Variants in ADAR observed in about 807,000 individuals in gnomAD.
ADAR encodes the protein adenosine deaminase RNA specific.
A neutral mutation model predicts 113.2 loss-of-function variants in ADAR; 41 were observed. That is an observed-to-expected ratio of 0.36 (90% CI 0.28 to 0.47). The LOEUF (loss-of-function observed/expected upper bound fraction) is 0.47. Ranked by LOEUF, ADAR falls within the 20% of genes least tolerant of loss-of-function variation. The pLI is 1.00. For missense variants in ADAR, 1,242 were observed against 1,540.9 expected (o/e 0.81, Z 3.25); for synonymous variants, 605 against 572.6 (o/e 1.06, Z -0.81).
At position 154,582,238 on chromosome 1, in the gene ADAR, C is replaced by CA. The variant is rs1696451416; in HGVS notation, c.*2567dup. 6.6e-6 allele frequency: 1 copy of CA among 152,214 alleles called. No individual in the cohort carries two copies. The highest frequency in any genetic ancestry group is 1.5e-5 in the Non-Finnish European group (1 of 67,990). The allele number at this position is 152,214 out of a possible 1,614,324, so 9.4% of individuals were successfully genotyped here. A position where few individuals can be genotyped will look rare whatever the true frequency, so the allele number is the denominator to read the frequency against. The stretch of plus-strand genomic sequence containing the variant: ...GCTCTTGGAGTCACAACCAAGACTC[C>CA]AAAAAACCAACGAAGTCCCTTCAAT... On this transcript the variant is annotated 3_prime_UTR_variant, in exon 15 of 15. Coordinates refer to ENST00000368474, the MANE Select transcript of ADAR (RefSeq NM_001111.5).
At chr1:154,590,104 T>C in intron 7 of ADAR, 80 bp downstream of exon 7, 2 of 1,526,330 alleles carry the variant, frequency 1.3e-6, no homozygotes, top group Non-Finnish European at 1.8e-6. Flanking sequence ...ATAACTCGCA[T>C]GACAGCAAGA....
rs1169582136 is a variant in ADAR, at chr1:154,598,553, T to C, written c.1634A>G (p.Glu545Gly). The C allele has an allele frequency of 6.2e-7, 1 of 1,614,220 alleles. No homozygotes were observed. The highest frequency in any genetic ancestry group is 1.7e-5 in the Admixed American group (1 of 60,026). ...GCTTCCAGCTTCAGCTGGGGGAAAC[T>C]CTCGGCCATTGATGACAACCTGGAA... is the stretch of plus-strand genomic sequence containing the variant. Reference protein sequence around the residue: ...FKFQVVINGREFPPAEAGSKK... With the variant: ...FKFQVVINGRGFPPAEAGSKK... The change falls in exon 3 of 15, where the codon GAG (glutamate) becomes GGG (glycine). Residue 545 changes from glutamate (E) to glycine (G), a missense_variant. Around this residue, in one of 2 missense-constraint regions of ADAR, gnomAD observed 780 missense variants for 1,057.9 expected, o/e 0.74. Coordinates refer to ENST00000368474, the MANE Select transcript of ADAR (RefSeq NM_001111.5).
chr1:154,624,573 T>A (rs895911341), intron 1 of ADAR, among the ~76,000 whole-genome samples: 21 of 152,198 alleles, frequency 1.4e-4, no homozygotes, highest in Admixed American at 3.3e-4. Flanking sequence ...ACCAGGAATA[T>A]CATCTGTTTA....
Position 154,601,839 on chromosome 1 carries a change from C to T in ADAR, c.803G>A (p.Gly268Glu), listed in dbSNP as rs1186266424. The change falls in exon 2 of 15, where the codon GGA becomes GAA. Residue 268 changes from glycine to glutamate, a missense_variant. Coordinates refer to ENST00000368474, the MANE Select transcript of ADAR (RefSeq NM_001111.5). This position sits in a 1 kb window ranked among gnomAD's most constrained non-coding sequence, Gnocchi z 4.7. ...GVVRPDSHSQ[G>E]SPNSDPGLEP... ...CAAACCTGGGTCTGAGTTTGGGGAT[C>T]CTTGGCTATGACTGTCTGGTCTTAC... 1 of 1,614,242 alleles carries T rather than the reference C, an allele frequency of 6.2e-7. No individual in the cohort carries two copies. The highest frequency in any genetic ancestry group is 8.5e-7 in the Non-Finnish European group (1 of 1,180,044).
intron 7 of ADAR, 32 bp downstream of exon 7, chr1:154,590,152 C>CCG (rs1553209460): frequency 5.2e-6 from 7 of 1,333,378 alleles, no homozygotes; most frequent in Non-Finnish European, 7.4e-6. Context: ...CCCCCCCGCC[C>CCG]CAAAAAAGGC....
chr1:154,623,883 A>T (rs1295565580), intron 1 of ADAR, among the ~76,000 whole-genome samples: 3 of 152,030 alleles, frequency 2.0e-5, no homozygotes, highest in Non-Finnish European at 4.4e-5. Flanking sequence ...GGCTCCTGTA[A>T]TCCTAGCTAC....
intron 1 of ADAR, among the ~76,000 whole-genome samples, chr1:154,624,013 CAAA>C (rs558257086): frequency 1.1e-5 from 1 of 92,360 alleles, no homozygotes; most frequent in Non-Finnish European, 2.2e-5. Context: ...GACTCCATCT[CAAA>C]AAAAAAAAAA....
intron 1 of ADAR, among the ~76,000 whole-genome samples, chr1:154,627,054 G>A (rs997377518): frequency 1.3e-5 from 2 of 152,078 alleles, no homozygotes; most frequent in African/African-American, 2.4e-5. Flanking sequence ...GTCTCCTCCC[G>A]TGGCAGCCTA....
chr1:154,606,610 C>T (rs988528522), intron 1 of ADAR, among the ~76,000 whole-genome samples: 11 of 152,022 alleles, frequency 7.2e-5, no homozygotes, highest in African/African-American at 2.7e-4. Flanking sequence ...TTTTTGCCCC[C>T]CTTAAATCCC....
chr1:154,596,619 GA>G (rs1241045945), intron 6 of ADAR, among the ~76,000 whole-genome samples, 185 bp downstream of exon 6: 7 of 152,136 alleles, frequency 4.6e-5, no homozygotes, highest in Admixed American at 4.6e-4. Flanking sequence ...ATGCTTACTG[GA>G]AGAGTGAACG....
rs1418913426 is a variant in ADAR at position 154,597,261 on chromosome 1, T to C, written c.1941A>G (p.Gln647=). 6.2e-7 allele frequency: 1 copy of C among 1,614,172 alleles called. No homozygotes were observed. Among genetic ancestry groups the C allele is most frequent in the Admixed American group, 1.7e-5 (1 of 60,022 alleles). The stretch of plus-strand genomic sequence containing the variant: ...TTTGGGCTCCCACTGCAACACAGTA[T>C]TGGAACCTGACAGGAGATGAAGCAC... ...KEGPAHEPKF[Q]YCVAVGAQTF... Residue 647 remains glutamine, a synonymous_variant, in exon 5 of 15, where the codon CAA becomes CAG. Transcript: ENST00000368474.
Position 154,584,391 on chromosome 1 carries a change from T to G in ADAR, c.*415A>C, listed in dbSNP as rs1696606530. The stretch of plus-strand genomic sequence containing the variant: ...GGTCTGCGTAATCCACAAATGAAAT[T>G]ATCAGTCCCTGACATGATCCAGAGT... On this transcript the variant is annotated 3_prime_UTR_variant, in exon 15 of 15. Transcript: ENST00000368474. 5.7e-6 allele frequency: 1 copy of G among 176,512 alleles called. No individual in the cohort carries two copies. Among genetic ancestry groups the G allele is most frequent in the Non-Finnish European group, 1.2e-5 (1 of 82,148 alleles). 10.9% of individuals were successfully genotyped at this position (176,512 alleles called of 1,614,324 possible).
Position 154,598,068 on chromosome 1 carries a change from C to G in ADAR, c.1786-92G>C, listed in dbSNP as rs1051929706. The G allele has an allele frequency of 2.2e-5, 32 of 1,456,992 alleles. 1 individual carries two copies. The highest frequency in any genetic ancestry group is 5.9e-5 in the Admixed American group (3 of 50,964). The allele number at this position is 1,456,992 out of a possible 1,614,324, so 90.3% of individuals were successfully genotyped here. A position where few individuals can be genotyped will look rare whatever the true frequency, so the allele number is the denominator to read the frequency against. On this transcript the variant is annotated intron_variant, in intron 3 of 14. Coordinates refer to ENST00000368474, the MANE Select transcript of ADAR (RefSeq NM_001111.5). Reference sequence around the variant, plus strand: ...AGGGATGGGGATGGGGGACTTTATTCCCACCACCTGTCAAGGGGTTGGCTT... The same window carrying G: ...AGGGATGGGGATGGGGGACTTTATTGCCACCACCTGTCAAGGGGTTGGCTT...
Position 154,595,075 on chromosome 1 carries a change from G to A in ADAR, c.2270+1730C>T, listed in dbSNP as rs967631770. Among the ~76,000 whole-genome samples, 4 of 152,122 alleles carry A rather than the reference G, an allele frequency of 2.6e-5. No homozygotes were observed. In the East Asian group the frequency reaches 7.7e-4, roughly 29 times the overall value. On this transcript the variant is annotated intron_variant, in intron 6 of 14. Transcript: ENST00000368474. ...AGTGCAGGGCTCTGTAACCTGTTAG[G>A]AACCTGGGCACACAGGAAGAGGTGA...
chr1:154,607,551 C>T (rs773145779), intron 1 of ADAR, among the ~76,000 whole-genome samples: 1 of 152,062 alleles, frequency 6.6e-6, no homozygotes, highest in African/African-American at 2.4e-5. Flanking sequence ...CACAAGGGGC[C>T]CTAGCAGAAA....
upstream of ADAR, chr1:154,608,268 C>T (rs1698338329): frequency 8.0e-6 from 4 of 499,712 alleles, no homozygotes; most frequent in African/African-American, 2.1e-5. Flanking sequence ...TCTTGCGCCA[C>T]GCTTGGTTTC....
rs140462815 is a variant in ADAR at position 154,588,213 on chromosome 1, G to A, written c.2931C>T (p.Ser977=). The change falls in exon 11 of 15, where the codon AGC becomes AGT. Residue 977 remains serine (S), a synonymous_variant. Transcript: ENST00000368474. Reference sequence around the variant, plus strand: ...ATTCTGTGCTTTCCATAGCACGGTCGCTGCAGGACTTGTCAAAGAGGGCGC... The same window carrying A: ...ATTCTGTGCTTTCCATAGCACGGTCACTGCAGGACTTGTCAAAGAGGGCGC... The part of the protein sequence containing the change: ...GDGALFDKSC[S]DRAMESTESR... 14 of 1,614,032 alleles carry A rather than the reference G, an allele frequency of 8.7e-6. No homozygotes were observed. The highest frequency in any genetic ancestry group is 6.7e-5 in the East Asian group (3 of 44,882).
chr1:154,600,799 A>C, intron 2 of ADAR: 1 of 594,318 alleles, frequency 1.7e-6, no homozygotes, highest in Non-Finnish European at 3.0e-6. Flanking sequence ...AAGAAGCTTC[A>C]TTACAGCCAA....
intron 1 of ADAR, among the ~76,000 whole-genome samples, chr1:154,613,859 G>A (rs1338697505): frequency 3.4e-5 from 5 of 145,216 alleles, no homozygotes; most frequent in African/African-American, 7.7e-5. Context: ...AGCCGAGATC[G>A]CACCACTGCA....
Sources: gnomAD v4.1 joint callset for allele counts (sites outside exome capture counted in the v4.1 genomes callset) on GRCh38, gnomAD v4.1.1 for gene constraint, gnomAD v4.1.1 regional missense constraint, Gnocchi (gnomAD v3.1) non-coding constraint, MANE v1.5 for transcripts, NCBI Gene and HGNC (gene_info 2026-07-23, HGNC 2026-07-21) for gene names.